LMO1: variants seen among roughly 807,000 people sequenced by gnomAD.
LMO1 encodes the protein rhombotin-1.
LMO1 carries 10 observed loss-of-function variants against 18.0 expected under a neutral mutation model. That is an observed-to-expected ratio of 0.55 (90% CI 0.34 to 0.94). The LOEUF is 0.94. Ranked by LOEUF, LMO1 falls within the 40% of genes least tolerant of loss-of-function variation. The probability of loss-of-function intolerance (pLI) is 0.02; values close to 1 mark genes in which losing one functional copy is unlikely to be tolerated. For synonymous variants in LMO1, 77 were observed against 77.9 expected, an observed-to-expected ratio of 0.99 and a Z score of 0.06; for missense variants, 183 against 205.7, an observed-to-expected ratio of 0.89 and a Z score of 0.68.
intron 2 of LMO1, 21 bp downstream of exon 2, chr11:8,230,270 G>A: frequency 6.2e-7 from 1 of 1,609,874 alleles, no homozygotes; most frequent in African/African-American, 1.3e-5. Flanking sequence ...GGGCTTGGGA[G>A]GCCAGGGTTT....
At position 8,224,474 on chromosome 11, in the gene LMO1, C is replaced by A. The variant is rs1952496705; in HGVS notation, c.*142G>T. On this transcript the variant is annotated 3_prime_UTR_variant, in exon 4 of 4. Transcript: ENST00000335790. ...GCGGTGGTGGAGGAGGAAGGGCCAT[C>A]CCTCCCATCGAGGACGGAGAAGTTC... 6 of 622,044 alleles carry A rather than the reference C, an allele frequency of 9.6e-6. No homozygotes were observed. Among genetic ancestry groups the A allele is most frequent in the Non-Finnish European group, 1.4e-5 (5 of 348,486 alleles). 38.5% of individuals were successfully genotyped at this position (622,044 alleles called of 1,614,324 possible). A position where few individuals can be genotyped will look rare whatever the true frequency, so the allele number is the denominator to read the frequency against.
At chr11:8,256,414 C>T (rs1847098668) in intron 1 of LMO1, among the ~76,000 whole-genome samples, 1 of 152,188 alleles carries the variant, frequency 6.6e-6, no homozygotes, top group African/African-American at 2.4e-5. Context: ...TAGCGGACTA[C>T]ACCTGTAGAC....
At chr11:8,238,692 A>AG (rs397849010) in intron 1 of LMO1, among the ~76,000 whole-genome samples, 1 of 150,832 alleles carries the variant, frequency 6.6e-6, no homozygotes, top group Non-Finnish European at 1.5e-5. Context: ...AAAAAAAAAA[A>AG]GAATACTGGT....
intron 1 of LMO1, among the ~76,000 whole-genome samples, chr11:8,234,182 G>C (rs1952720574): frequency 6.6e-6 from 1 of 152,148 alleles, no homozygotes; most frequent in South Asian, 2.1e-4. Context: ...GGTGGAGGCA[G>C]GGCTGCTGGT....
At chr11:8,251,524 G>T (rs78497938) in intron 1 of LMO1, among the ~76,000 whole-genome samples, 2,808 of 152,316 alleles carry the variant, frequency 0.018, 106 homozygotes, top group African/African-American at 0.064. Flanking sequence ...TCCTCTGCGG[G>T]TATCATCCCT....
At chr11:8,239,946 A>T (rs1412047084) in intron 1 of LMO1, among the ~76,000 whole-genome samples, 1 of 152,172 alleles carries the variant, frequency 6.6e-6, no homozygotes, top group African/African-American at 2.4e-5. Context: ...GCTTGTCATG[A>T]CCCTGAGTGC....
chr11:8,224,562 C>G lies in LMO1; in HGVS notation c.*54G>C, dbSNP rs541262929. On this transcript the variant is annotated 3_prime_UTR_variant, in exon 4 of 4. Coordinates refer to ENST00000335790, the MANE Select transcript of LMO1 (RefSeq NM_002315.3). Reference sequence around the variant, plus strand: ...TAGAGTGGCTGGCTGGCCGGCCAGGCAGGTGGGCAGGCGGGCAGATGGACA... The same window carrying G: ...TAGAGTGGCTGGCTGGCCGGCCAGGGAGGTGGGCAGGCGGGCAGATGGACA... The G allele has an allele frequency of 5.2e-6, 6 of 1,146,348 alleles. No individual in the cohort carries two copies. Among genetic ancestry groups the G allele is most frequent in the African/African-American group, 4.6e-5 (3 of 64,974 alleles). 71.0% of individuals were successfully genotyped at this position (1,146,348 alleles called of 1,614,324 possible). A position where few individuals can be genotyped will look rare whatever the true frequency, so the allele number is the denominator to read the frequency against.
In LMO1 at chr11:8,255,162, G is replaced by A. The variant is rs555616543; in HGVS notation, c.25+8176C>T. On this transcript the variant is annotated intron_variant, in intron 1 of 3. Transcript: ENST00000335790. The stretch of plus-strand genomic sequence containing the variant: ...GATTTATTTTGGCCGATAGAATGCA[G>A]CAGAAGCGACAAGATCCCAGTGCCA... Among the ~76,000 whole-genome samples, 3 of 152,292 alleles carry A rather than the reference G, an allele frequency of 2.0e-5. No individual in the cohort carries two copies. The East Asian group carries it at 5.8e-4, about 29-fold the overall frequency.
intron 3 of LMO1, among the ~76,000 whole-genome samples, chr11:8,225,619 C>G (rs1228773290): frequency 1.3e-5 from 2 of 152,094 alleles, no homozygotes; most frequent in African/African-American, 4.8e-5. Flanking sequence ...AAGGAAGGCC[C>G]TTCATTGGTC....
At chr11:8,256,468 A>G (rs961174184) in intron 1 of LMO1, among the ~76,000 whole-genome samples, 3 of 152,200 alleles carry the variant, frequency 2.0e-5, no homozygotes, top group Non-Finnish European at 2.9e-5. Context: ...AGGGGAAGGG[A>G]CAGGAGGGAG....
chr11:8,254,460 A>G lies in LMO1; in HGVS notation c.25+8878T>C, dbSNP rs531627666. Among the ~76,000 whole-genome samples, 12 of 152,352 alleles carry G rather than the reference A, an allele frequency of 7.9e-5. No homozygotes were observed. In the East Asian group the frequency reaches 2.3e-3, roughly 29 times the overall value. On this transcript the variant is annotated intron_variant, in intron 1 of 3. Transcript: ENST00000335790. Reference sequence around the variant, plus strand: ...CCATTTTGAGGCTAGGGGCCAACCAATGAATTGATTCTCACCTGGCTGCAT... The same window carrying G: ...CCATTTTGAGGCTAGGGGCCAACCAGTGAATTGATTCTCACCTGGCTGCAT...
In LMO1 at chr11:8,257,647, C is replaced by T. The variant is rs148189859; in HGVS notation, c.25+5691G>A. The stretch of plus-strand genomic sequence containing the variant: ...ATGGAACCCTAGGCAGCCCTTTTGC[C>T]CTGTTTAAACCTCAACCTTCCCCCT... On this transcript the variant is annotated intron_variant, in intron 1 of 3. Transcript: ENST00000335790. Among the ~76,000 whole-genome samples, 58 of 152,332 alleles carry T rather than the reference C, an allele frequency of 3.8e-4. 1 individual carries two copies. The highest frequency in any genetic ancestry group is 1.4e-3 in the African/African-American group (58 of 41,578).
At chr11:8,236,713 A>G (rs1294590845) in intron 1 of LMO1, among the ~76,000 whole-genome samples, 1 of 152,134 alleles carries the variant, frequency 6.6e-6, no homozygotes, top group East Asian at 1.9e-4. Context: ...ACACACGTAC[A>G]CTAGGTCCAT....
chr11:8,240,717 A>T (rs1846771314), intron 1 of LMO1, among the ~76,000 whole-genome samples: 2 of 151,758 alleles, frequency 1.3e-5, no homozygotes, highest in South Asian at 4.2e-4. Flanking sequence ...TGCCCTCATG[A>T]CCTAATCACC....
intron 2 of LMO1, 117 bp downstream of exon 2, chr11:8,230,174 A>G: frequency 1.1e-6 from 1 of 886,302 alleles, no homozygotes; most frequent in Non-Finnish European, 1.8e-6. Context: ...ACAGTCAAGA[A>G]TGAGAGGACA....
intron 3 of LMO1, 82 bp downstream of exon 3, chr11:8,226,893 C>A (rs2290451): frequency 2.0e-6 from 3 of 1,512,612 alleles, no homozygotes; most frequent in Non-Finnish European, 2.7e-6. Context: ...GCGTGCACGC[C>A]TCCGCCGTGC....
chr11:8,252,977 G>C (rs568127803), intron 1 of LMO1, among the ~76,000 whole-genome samples: 1 of 152,348 alleles, frequency 6.6e-6, no homozygotes, highest in South Asian at 2.1e-4. Flanking sequence ...TGCAGAGAAG[G>C]GTCCTCTCCT....
chr11:8,235,598 T>C (rs1435582852), intron 1 of LMO1, among the ~76,000 whole-genome samples: 1 of 152,230 alleles, frequency 6.6e-6, no homozygotes, highest in African/African-American at 2.4e-5. Context: ...CGCATTCAGT[T>C]GTCAAGTTTA....
At chr11:8,231,874 G>A (rs936255144) in intron 1 of LMO1, among the ~76,000 whole-genome samples, 14 of 152,098 alleles carry the variant, frequency 9.2e-5, no homozygotes, top group African/African-American at 3.1e-4. Context: ...TCCTCCTTGG[G>A]CGTTAGGGGA....
Sources: allele counts gnomAD v4.1 joint callset (sites outside exome capture counted in the v4.1 genomes callset), GRCh38; gene constraint gnomAD v4.1.1; transcripts MANE v1.5; gene names NCBI Gene and HGNC (gene_info 2026-07-23, HGNC 2026-07-21).